The following NEK10 variants were observed in gnomAD, a reference collection of about 807,000 sequenced individuals.
The protein encoded by NEK10 is serine/threonine-protein kinase Nek10.
Under a neutral mutation model 159.8 loss-of-function variants are expected in NEK10, and 122 were observed. The ratio of observed to expected loss-of-function variants is 0.76; its 90% CI spans 0.66 to 0.89. The LOEUF (loss-of-function observed/expected upper bound fraction) is 0.89. Among genes scored for constraint, NEK10 ranks in the 40% least tolerant of loss-of-function variants. The pLI is 0.00. For missense variants in NEK10, 1,342 were observed against 1,323.1 expected (o/e 1.01, Z -0.22); for synonymous variants, 466 against 457.1 (o/e 1.02, Z -0.25).
At chr3:27,156,931 TATA>T (rs1945507994) in intron 30 of NEK10, among the ~76,000 whole-genome samples, 2 of 5,298 alleles carry the variant, frequency 3.8e-4, no homozygotes, top group Non-Finnish European at 6.9e-4. Context: ...AAGAAACTGA[TATA>T]TATATATATA....
At chr3:27,189,442 A>G (rs972036459) in intron 26 of NEK10, among the ~76,000 whole-genome samples, 1 of 152,078 alleles carries the variant, frequency 6.6e-6, no homozygotes, top group Non-Finnish European at 1.5e-5. Flanking sequence ...ATAAAGTTCT[A>G]CTGAACCCAC....
At chr3:27,198,272 A>C (rs1949731919) in intron 25 of NEK10, among the ~76,000 whole-genome samples, 1 of 152,108 alleles carries the variant, frequency 6.6e-6, no homozygotes, top group Non-Finnish European at 1.5e-5. Context: ...CCACTAAAAA[A>C]AGGATTTTAA....
At position 27,304,952 on chromosome 3, in the gene NEK10, G is replaced by A. The variant is rs781324188; in HGVS notation, c.823C>T (p.Arg275Cys). Residue 275 changes from arginine to cysteine, a missense_variant, in exon 12 of 36, where the codon CGC (arginine) becomes TGC (cysteine). Coordinates refer to ENST00000691995, the MANE Select transcript of NEK10 (RefSeq NM_001394966.1). ...ACCTGGGGCTCTGCACAAAGTAGGC[G>A]CAGCAACTCCGCTGTTAGTCTGAAA... ...LSKRLTAELLRLLCAEPQVKE... is the reference protein window; with the variant it reads ...LSKRLTAELLCLLCAEPQVKE... 3.1e-5 allele frequency: 50 copies of A among 1,611,650 alleles called. No individual in the cohort carries two copies. Among genetic ancestry groups the A allele is most frequent in the Admixed American group, 5.0e-5 (3 of 59,944 alleles).
At chr3:27,240,034 AAACT>A (rs1159600526) in intron 23 of NEK10, among the ~76,000 whole-genome samples, 6 of 152,368 alleles carry the variant, frequency 3.9e-5, no homozygotes, top group Admixed American at 3.9e-4. Flanking sequence ...GAAAGGACTC[AAACT>A]AAATGTTCCT....
At chr3:27,362,804 G>A (rs748026955) in intron 1 of NEK10, among the ~76,000 whole-genome samples, 3 of 151,588 alleles carry the variant, frequency 2.0e-5, no homozygotes, top group Non-Finnish European at 4.4e-5. Context: ...TCTGTCCACC[G>A]TCACTGCCAA....
At chr3:27,313,389 AAAAT>A (rs2044870129) in intron 7 of NEK10, among the ~76,000 whole-genome samples, 2 of 152,354 alleles carry the variant, frequency 1.3e-5, no homozygotes, top group African/African-American at 4.8e-5. Context: ...GCAAAGCAGA[AAAAT>A]AAATAAGGTC....
At chr3:27,193,324 C>T (rs1216794176) in intron 25 of NEK10, among the ~76,000 whole-genome samples, 1 of 152,214 alleles carries the variant, frequency 6.6e-6, no homozygotes, top group African/African-American at 2.4e-5. Flanking sequence ...TCTTGCCTAC[C>T]TCTGGTCTGT....
At chr3:27,149,684 T>G (rs1316846045) in intron 30 of NEK10, among the ~76,000 whole-genome samples, 1 of 152,152 alleles carries the variant, frequency 6.6e-6, no homozygotes, top group Non-Finnish European at 1.5e-5. Context: ...TCATAGGCCT[T>G]CCTATTCCCT....
At chr3:27,275,702 G>A (rs899924577) in intron 22 of NEK10, among the ~76,000 whole-genome samples, 3 of 152,118 alleles carry the variant, frequency 2.0e-5, no homozygotes, top group African/African-American at 7.2e-5. Flanking sequence ...TGCACATAAG[G>A]ACTTTGAGTT....
Position 27,116,015 on chromosome 3 carries a change from G to A in NEK10, c.3244-20C>T, listed in dbSNP as rs1042356696. The stretch of plus-strand genomic sequence containing the variant: ...CACAGTCTAAAATTTTAAAAATCAG[G>A]TTAGTATTGAATTAGAAGTAACAAA... On this transcript the variant is annotated intron_variant, in intron 34 of 35. Transcript: ENST00000691995. The A allele has an allele frequency of 2.5e-6, 4 of 1,612,380 alleles. No homozygotes were observed. The highest frequency in any genetic ancestry group is 2.7e-5 in the African/African-American group (2 of 74,970).
intron 25 of NEK10, among the ~76,000 whole-genome samples, chr3:27,200,083 A>G (rs1214253888): frequency 1.3e-5 from 2 of 152,198 alleles, no homozygotes; most frequent in African/African-American, 4.8e-5. Flanking sequence ...TTGTATAACA[A>G]ACCTGCACAT....
intron 23 of NEK10, among the ~76,000 whole-genome samples, chr3:27,243,612 C>T (rs1954768594): frequency 6.6e-6 from 1 of 152,124 alleles, no homozygotes; most frequent in African/African-American, 2.4e-5. Context: ...GAAAATATAT[C>T]TGTTTATAAA....
In NEK10 at chr3:27,312,118, G is replaced by A. The variant is rs899582634; in HGVS notation, c.549C>T (p.Asp183=). The change falls in exon 8 of 36, where the codon GAC becomes GAT. Residue 183 remains aspartate, a synonymous_variant. Coordinates refer to ENST00000691995, the MANE Select transcript of NEK10 (RefSeq NM_001394966.1). ...LGYGEEQHTV[D]KLVNMTYIFQ... Reference sequence around the variant, plus strand: ...ACTTACATGTCATGTTGACCAGCTTGTCCACAGTGTGCTGCTCTTCTCCAT... The same window carrying A: ...ACTTACATGTCATGTTGACCAGCTTATCCACAGTGTGCTGCTCTTCTCCAT... The A allele has an allele frequency of 1.9e-6, 3 of 1,611,864 alleles. No individual in the cohort carries two copies. The East Asian group carries it at 6.7e-5, about 36-fold the overall frequency.
rs543976484 is a variant in NEK10, at chr3:27,333,597, C to A, written c.362+10675G>T. On this transcript the variant is annotated intron_variant, in intron 5 of 35. Coordinates refer to ENST00000691995, the MANE Select transcript of NEK10 (RefSeq NM_001394966.1). ...CTTCAATAGACTGAATGCTATCCTG[C>A]AACCCAGTAGCACCAGGGCTGAGGT... Among the ~76,000 whole-genome samples, 5 of 151,822 alleles carry A rather than the reference C, an allele frequency of 3.3e-5. No homozygotes were observed. The South Asian group carries it at 1.0e-3, about 32-fold the overall frequency.
At chr3:27,282,746 G>C (rs1030058347) in intron 22 of NEK10, among the ~76,000 whole-genome samples, 2 of 140,564 alleles carry the variant, frequency 1.4e-5, no homozygotes, top group Admixed American at 7.4e-5. Flanking sequence ...ACATAACTGT[G>C]TTATATATAT....
intron 31 of NEK10, among the ~76,000 whole-genome samples, chr3:27,137,275 T>G (rs1016079854): frequency 1.4e-4 from 21 of 152,198 alleles, no homozygotes; most frequent in Non-Finnish European, 3.1e-4. Flanking sequence ...CACTGGCAGT[T>G]CAAGAGCATA....
At chr3:27,356,582 C>T (rs1259029972) in intron 1 of NEK10, among the ~76,000 whole-genome samples, 3 of 152,146 alleles carry the variant, frequency 2.0e-5, no homozygotes, top group Non-Finnish European at 4.4e-5. Flanking sequence ...AGACTAAGAC[C>T]ATTTGTGCCC....
At chr3:27,207,697 A>C (rs1269156262) in intron 23 of NEK10, among the ~76,000 whole-genome samples, 2 of 152,172 alleles carry the variant, frequency 1.3e-5, no homozygotes, top group Non-Finnish European at 2.9e-5. Flanking sequence ...TAAAAAGTAC[A>C]TTTAGTTCTC....
intron 22 of NEK10, among the ~76,000 whole-genome samples, chr3:27,264,695 C>A (rs2040731153): frequency 6.6e-6 from 1 of 152,044 alleles, no homozygotes; most frequent in Admixed American, 6.5e-5. Context: ...AGTTTGAGAC[C>A]ACCCTGGCCA....
Sources: gnomAD v4.1 joint callset for allele counts (sites outside exome capture counted in the v4.1 genomes callset) on GRCh38, gnomAD v4.1.1 for gene constraint, MANE v1.5 for transcripts, NCBI Gene and HGNC (gene_info 2026-07-23, HGNC 2026-07-21) for gene names.